The following ZNF804B variants were observed in gnomAD, a reference collection of about 807,000 sequenced individuals.
The protein encoded by ZNF804B is zinc finger 804B.
ZNF804B carries 80 observed loss-of-function variants against 101.4 expected under a neutral mutation model. The observed-to-expected ratio is 0.79, with a 90% CI of 0.66 to 0.95. The LOEUF (loss-of-function observed/expected upper bound fraction) is 0.95, where lower values mean the gene tolerates loss of function less well. Among genes scored for constraint, ZNF804B ranks in the 40% least tolerant of loss-of-function variants. The pLI, the probability that ZNF804B is intolerant of heterozygous loss-of-function variation, is 0.00. For missense variants in ZNF804B, 1,673 were observed against 1,561.9 expected (o/e 1.07, Z -1.20); for synonymous variants, 622 against 558.8 (o/e 1.11, Z -1.59).
chr7:88,880,524 CTGAA>C (rs1414081507), intron 1 of ZNF804B, among the ~76,000 whole-genome samples: 3 of 152,054 alleles, frequency 2.0e-5, no homozygotes, highest in African/African-American at 7.2e-5. Flanking sequence ...TTAAACATTA[CTGAA>C]TTTATTACAT....
intron 2 of ZNF804B, among the ~76,000 whole-genome samples, chr7:89,261,892 G>A (rs970622643): frequency 5.9e-5 from 9 of 152,256 alleles, no homozygotes; most frequent in Non-Finnish European, 1.2e-4. Context: ...TCCATGAGGT[G>A]TGTTATTATA....
chr7:89,074,599 A>T (rs1294619569), intron 1 of ZNF804B, among the ~76,000 whole-genome samples: 1 of 152,058 alleles, frequency 6.6e-6, no homozygotes, highest in African/African-American at 2.4e-5. Flanking sequence ...ACCTCTTTTT[A>T]TTCCCAGTCT....
chr7:89,286,315 T>TGTC (rs1459581840), intron 2 of ZNF804B, among the ~76,000 whole-genome samples: 1 of 152,152 alleles, frequency 6.6e-6, no homozygotes, highest in Non-Finnish European at 1.5e-5. Flanking sequence ...AGAAAAAAGC[T>TGTC]GTCAACAGTA....
chr7:88,805,129 A>T (rs181351962), intron 1 of ZNF804B, among the ~76,000 whole-genome samples: 6 of 152,196 alleles, frequency 3.9e-5, no homozygotes, highest in Non-Finnish European at 8.8e-5. Flanking sequence ...CAGTAAAGTT[A>T]TATGATGAGT....
intron 1 of ZNF804B, among the ~76,000 whole-genome samples, chr7:89,143,694 A>G (rs1002383490): frequency 1.3e-5 from 2 of 152,006 alleles, no homozygotes; most frequent in Non-Finnish European, 2.9e-5. Context: ...GCAGAATTCA[A>G]TTTGTTCTGA....
chr7:88,838,808 T>C (rs967502467), intron 1 of ZNF804B, among the ~76,000 whole-genome samples: 3 of 151,984 alleles, frequency 2.0e-5, no homozygotes, highest in Non-Finnish European at 4.4e-5. Context: ...CTAATAAATA[T>C]AAAAGTCTCA....
intron 1 of ZNF804B, among the ~76,000 whole-genome samples, chr7:88,836,458 G>C (rs1791216370): frequency 6.6e-6 from 1 of 151,814 alleles, no homozygotes; most frequent in South Asian, 2.1e-4. Context: ...GAATCACTTG[G>C]TAGTCAAGCA....
chr7:88,885,529 A>G (rs768414855), intron 1 of ZNF804B, among the ~76,000 whole-genome samples: 26 of 151,274 alleles, frequency 1.7e-4, no homozygotes, highest in Admixed American at 5.3e-4. Context: ...TTCCCCTTGA[A>G]TAGTCTATTT....
intron 1 of ZNF804B, among the ~76,000 whole-genome samples, chr7:88,805,435 T>A (rs1368088260): frequency 1.3e-5 from 2 of 152,186 alleles, no homozygotes; most frequent in African/African-American, 4.8e-5. Flanking sequence ...CAACAAGCCT[T>A]TATTATCCTG....
chr7:89,281,151 A>C (rs532178603), intron 2 of ZNF804B, among the ~76,000 whole-genome samples: 1 of 152,178 alleles, frequency 6.6e-6, no homozygotes, highest in Non-Finnish European at 1.5e-5. Context: ...TTCTTCTTTA[A>C]GACCTGTATA....
At chr7:88,792,569 T>C (rs1790397147) in intron 1 of ZNF804B, among the ~76,000 whole-genome samples, 2 of 152,082 alleles carry the variant, frequency 1.3e-5, no homozygotes, top group Admixed American at 1.3e-4. Flanking sequence ...TCTATTCCTT[T>C]TTTGCTGGGA....
At chr7:88,782,895 C>G (rs539333715) in intron 1 of ZNF804B, among the ~76,000 whole-genome samples, 5 of 152,236 alleles carry the variant, frequency 3.3e-5, no homozygotes, top group African/African-American at 1.2e-4. Context: ...CAAGAGGACT[C>G]TTGGGGGAAG....
intron 1 of ZNF804B, among the ~76,000 whole-genome samples, chr7:88,894,093 C>G (rs1290399940): frequency 2.0e-5 from 3 of 152,030 alleles, no homozygotes; most frequent in Non-Finnish European, 2.9e-5. Context: ...TAAACTATAG[C>G]ATTATCAAAG....
chr7:89,101,529 C>T (rs537357593), intron 1 of ZNF804B, among the ~76,000 whole-genome samples: 4 of 151,772 alleles, frequency 2.6e-5, no homozygotes, highest in Non-Finnish European at 5.9e-5. Flanking sequence ...GTCTAACTCA[C>T]ATTTATAAAA....
intron 1 of ZNF804B, among the ~76,000 whole-genome samples, chr7:89,101,358 T>A (rs1249515854): frequency 6.6e-6 from 1 of 152,028 alleles, no homozygotes; most frequent in Non-Finnish European, 1.5e-5. Flanking sequence ...TATGACAATA[T>A]TTCTATTTTT....
At chr7:88,792,917 T>A (rs966846227) in intron 1 of ZNF804B, among the ~76,000 whole-genome samples, 3 of 152,214 alleles carry the variant, frequency 2.0e-5, no homozygotes, top group Admixed American at 2.0e-4. Context: ...ATATCATTTT[T>A]GTTTATTATA....
chr7:89,095,226 G>A (rs10262255), intron 1 of ZNF804B, among the ~76,000 whole-genome samples: 15,009 of 151,972 alleles, frequency 0.099, 1,383 homozygotes, highest in African/African-American at 0.24. Context: ...CCATTCCACC[G>A]TGTGAGGACA....
At chr7:89,103,071 T>TTTTTTTTTTTTTTTC (rs1790085037) in intron 1 of ZNF804B, among the ~76,000 whole-genome samples, 1 of 140,748 alleles carries the variant, frequency 7.1e-6, no homozygotes, top group Non-Finnish European at 1.5e-5. Context: ...TTTTTTTTTT[T>TTTTTTTTTTTTTTTC]TTTTTTTTTT....
intron 2 of ZNF804B, among the ~76,000 whole-genome samples, chr7:89,251,943 CT>C (rs767229144): frequency 1.3e-5 from 2 of 152,144 alleles, no homozygotes; most frequent in Non-Finnish European, 2.9e-5. Context: ...AGACCTCAAA[CT>C]ATAAAAATCC....
Sources: gnomAD v4.1 joint callset for allele counts (sites outside exome capture counted in the v4.1 genomes callset) on GRCh38, gnomAD v4.1.1 for gene constraint, MANE v1.5 for transcripts, NCBI Gene and HGNC (gene_info 2026-07-23, HGNC 2026-07-21) for gene names.